The following CNOT9 variants were observed in gnomAD, a reference collection of about 807,000 sequenced individuals.
CNOT9 encodes RCD1 required for cell differentiation1 homolog.
In CNOT9, 8 loss-of-function variants were observed where a neutral mutation model predicts 37.4. That is an observed-to-expected ratio of 0.21 (90% CI 0.13 to 0.39). The LOEUF (loss-of-function observed/expected upper bound fraction) is 0.39. CNOT9 is among the 10% of genes least tolerant of loss of function. The pLI, the probability that CNOT9 is intolerant of heterozygous loss-of-function variation, is 1.00. For synonymous variants in CNOT9, 120 were observed against 137.6 expected, an observed-to-expected ratio of 0.87 and a Z score of 0.90; for missense variants, 154 against 365.3, an observed-to-expected ratio of 0.42 and a Z score of 4.71.
At chr2:218,587,870 A>G (rs1170680060) in intron 5 of CNOT9, among the ~76,000 whole-genome samples, 175 bp downstream of exon 5, 2 of 152,258 alleles carry the variant, frequency 1.3e-5, no homozygotes, top group Admixed American at 1.3e-4. Context: ...AAGAAAATCA[A>G]GTTAAACACT....
intron 1 of CNOT9, among the ~76,000 whole-genome samples, chr2:218,576,694 A>C (rs894347037): frequency 6.6e-6 from 1 of 152,206 alleles, no homozygotes; most frequent in African/African-American, 2.4e-5. Context: ...TAGGCTGAGC[A>C]CAGTCGCTTA....
chr2:218,584,993 A>G (rs1204168915), intron 4 of CNOT9, among the ~76,000 whole-genome samples: 2 of 152,248 alleles, frequency 1.3e-5, no homozygotes, highest in Non-Finnish European at 2.9e-5. Flanking sequence ...AGAGTAAAGC[A>G]TAAGAACTTG....
intron 1 of CNOT9, among the ~76,000 whole-genome samples, chr2:218,570,394 A>G (rs1051514157): frequency 6.6e-6 from 1 of 152,212 alleles, no homozygotes; most frequent in African/African-American, 2.4e-5. Flanking sequence ...GCTTTTTGAG[A>G]TTTGATCTCC....
chr2:218,573,591 G>A (rs945103742), intron 1 of CNOT9: 7 of 152,126 alleles, frequency 4.6e-5, no homozygotes, highest in African/African-American at 1.7e-4. Flanking sequence ...GAAACCATCA[G>A]CATCAATTTT....
chr2:218,580,525 A>G, intron 1 of CNOT9, 36 bp from the exon 2 acceptor site: 1 of 1,556,316 alleles, frequency 6.4e-7, no homozygotes, highest in Non-Finnish European at 8.7e-7. Flanking sequence ...TTTGACTCTA[A>G]TAAACTGATA....
intron 1 of CNOT9, among the ~76,000 whole-genome samples, chr2:218,572,210 A>G (rs1694021892): frequency 6.6e-6 from 1 of 152,054 alleles, no homozygotes. Context: ...AATCCCAGCT[A>G]CTCAGGAGGC....
intron 2 of CNOT9, chr2:218,581,164 G>GTT: frequency 1.6e-5 from 4 of 250,500 alleles, no homozygotes; most frequent in Admixed American, 4.6e-5. Flanking sequence ...TTTTTTGTTT[G>GTT]TTTTTCTTTT....
At chr2:218,590,795 C>CTGTTGT (rs1694746989) in intron 5 of CNOT9, among the ~76,000 whole-genome samples, 1 of 104,452 alleles carries the variant, frequency 9.6e-6, no homozygotes, top group Non-Finnish European at 2.1e-5. Flanking sequence ...CCCTACATCT[C>CTGTTGT]TCTTGTTGTT....
rs1441781954 is a variant in CNOT9 at position 218,580,755 on chromosome 2, A to G, written c.204+15A>G. 9 of 1,607,544 alleles carry G rather than the reference A, an allele frequency of 5.6e-6. No homozygotes were observed. Among genetic ancestry groups the G allele is most frequent in the Admixed American group, 1.7e-5 (1 of 59,312 alleles). Reference sequence around the variant, plus strand: ...CACTTTTACAGGTGGGTTCATGTCCATGATTGGCAGTTCAGTTCTTTTCAT... The same window carrying G: ...CACTTTTACAGGTGGGTTCATGTCCGTGATTGGCAGTTCAGTTCTTTTCAT... On this transcript the variant is annotated intron_variant, in intron 2 of 7. Coordinates refer to ENST00000273064, the MANE Select transcript of CNOT9 (RefSeq NM_005444.3).
At chr2:218,569,615 G>A (rs1693890872) in intron 1 of CNOT9, among the ~76,000 whole-genome samples, 1 of 152,132 alleles carries the variant, frequency 6.6e-6, no homozygotes. Context: ...AGCCTGCACG[G>A]CCCTGTATGA....
In CNOT9 at chr2:218,594,330, C is replaced by G. The variant is rs1453955656; in HGVS notation, c.*54C>G. The G allele has an allele frequency of 2.0e-6, 3 of 1,534,218 alleles. No individual in the cohort carries two copies. The South Asian group carries it at 3.6e-5, about 18-fold the overall frequency. On this transcript the variant is annotated 3_prime_UTR_variant, in exon 8 of 8. Transcript: ENST00000273064. ...CCAAGTTGGGGAAAGGAGGGGGAAC[C>G]TACGAGAAAAACAGCTCAGGTTTTA...
At chr2:218,585,020 G>C (rs138541215) in intron 4 of CNOT9, among the ~76,000 whole-genome samples, 2 of 152,144 alleles carry the variant, frequency 1.3e-5, no homozygotes, top group East Asian at 1.9e-4. Context: ...TATATAAAGA[G>C]TATTATTAAA....
chr2:218,569,455 G>A (rs1347546778), intron 1 of CNOT9, among the ~76,000 whole-genome samples: 1 of 152,164 alleles, frequency 6.6e-6, no homozygotes, highest in Non-Finnish European at 1.5e-5. Flanking sequence ...TTTTGCATCT[G>A]ACTTAGGTTC....
chr2:218,593,938 A>G, intron 7 of CNOT9, 170 bp from the exon 8 acceptor site: 1 of 930,676 alleles, frequency 1.1e-6, no homozygotes. Context: ...GATTTTGGAG[A>G]TCTCTAAGCC....
intron 1 of CNOT9, among the ~76,000 whole-genome samples, chr2:218,578,489 T>C (rs968344239): frequency 2.0e-5 from 3 of 152,232 alleles, no homozygotes; most frequent in African/African-American, 7.2e-5. Context: ...CATCATTCTG[T>C]CAAGCTAAGA....
In CNOT9 at chr2:218,592,158, A is replaced by G. The variant is rs1193609944; in HGVS notation, c.541-146A>G. On this transcript the variant is annotated intron_variant, in intron 5 of 7. Transcript: ENST00000273064. The surrounding 1 kb of genome is among the most constrained non-coding windows in gnomAD (Gnocchi z 4.1). The stretch of plus-strand genomic sequence containing the variant: ...TAATATTTATTATTCTTTGTACTAT[A>G]CATATATGATAAAGTTGTACATAAT... 9 of 628,542 alleles carry G rather than the reference A, an allele frequency of 1.4e-5. No individual in the cohort carries two copies. The highest frequency in any genetic ancestry group is 2.0e-5 in the Non-Finnish European group (7 of 353,196). 38.9% of individuals were successfully genotyped at this position (628,542 alleles called of 1,614,324 possible).
At chr2:218,577,756 A>C (rs1215409347) in intron 1 of CNOT9, among the ~76,000 whole-genome samples, 1 of 152,220 alleles carries the variant, frequency 6.6e-6, no homozygotes, top group East Asian at 1.9e-4. Flanking sequence ...TGGCTCCAGT[A>C]GGGATGATGG....
intron 7 of CNOT9, chr2:218,593,505 T>G: frequency 1.4e-6 from 2 of 1,413,188 alleles, no homozygotes; most frequent in Non-Finnish European, 1.9e-6. Context: ...GCTCTACACA[T>G]AGTTAACATT....
chr2:218,591,942 G>A (rs193136643), intron 5 of CNOT9, among the ~76,000 whole-genome samples: 14 of 152,050 alleles, frequency 9.2e-5, no homozygotes, highest in African/African-American at 2.4e-4. Flanking sequence ...CAGTTATACC[G>A]GGCACATAGT....
Sources: gnomAD v4.1 joint callset for allele counts (sites outside exome capture counted in the v4.1 genomes callset) on GRCh38, gnomAD v4.1.1 for gene constraint, Gnocchi (gnomAD v3.1) non-coding constraint, MANE v1.5 for transcripts, NCBI Gene and HGNC (gene_info 2026-07-23, HGNC 2026-07-21) for gene names.